The following RAPGEF6 variants were observed in gnomAD, a reference collection of about 807,000 sequenced individuals.
RAPGEF6 encodes PDZ domain containing guanine nucleotide exchange factor (GEF) 2.
Under a neutral mutation model 171.4 loss-of-function variants are expected in RAPGEF6, and 56 were observed. The ratio of observed to expected loss-of-function variants is 0.33; its 90% CI spans 0.26 to 0.41. The LOEUF (loss-of-function observed/expected upper bound fraction) is 0.41. Among genes scored for constraint, RAPGEF6 ranks in the 10% least tolerant of loss-of-function variants. RAPGEF6 has a pLI of 1.00. For synonymous variants in RAPGEF6, 692 were observed against 650.1 expected, an observed-to-expected ratio of 1.06 and a Z score of -0.98; for missense variants, 1,674 against 1,921.4, an observed-to-expected ratio of 0.87 and a Z score of 2.41.
At chr5:131,499,730 T>C (rs1756890611) in intron 11 of RAPGEF6, among the ~76,000 whole-genome samples, 1 of 152,150 alleles carries the variant, frequency 6.6e-6, no homozygotes, top group African/African-American at 2.4e-5. Flanking sequence ...TTAAGCCTGA[T>C]ATAAAAACTG....
chr5:131,630,336 C>T (rs1766224395), intron 1 of RAPGEF6, among the ~76,000 whole-genome samples: 1 of 152,182 alleles, frequency 6.6e-6, no homozygotes, highest in Non-Finnish European at 1.5e-5. Flanking sequence ...AAGGCTATCA[C>T]ACACAATAAA....
At chr5:131,491,553 G>A (rs1756284527) in intron 14 of RAPGEF6, among the ~76,000 whole-genome samples, 1 of 152,164 alleles carries the variant, frequency 6.6e-6, no homozygotes, top group African/African-American at 2.4e-5. Flanking sequence ...CCAGGACACA[G>A]ACCCATGGCC....
At chr5:131,511,398 T>C (rs569875039) in intron 7 of RAPGEF6, 3 of 151,914 alleles carry the variant, frequency 2.0e-5, no homozygotes, top group Admixed American at 1.3e-4. Flanking sequence ...CAAATATGAA[T>C]ATTAGTGAAG....
At position 131,426,745 on chromosome 5, in the gene RAPGEF6, G is replaced by A. The variant is rs974054513; in HGVS notation, c.*521C>T. The A allele has an allele frequency of 2.3e-5, 4 of 171,426 alleles. No homozygotes were observed. Among genetic ancestry groups the A allele is most frequent in the Non-Finnish European group, 3.7e-5 (3 of 81,500 alleles). The allele number at this position is 171,426 out of a possible 1,614,324, so 10.6% of individuals were successfully genotyped here. A position where few individuals can be genotyped will look rare whatever the true frequency, so the allele number is the denominator to read the frequency against. The stretch of plus-strand genomic sequence containing the variant: ...ATGACTTCTGTTTGGTCAGACCAGA[G>A]ACAATTTTATGACCTCAAACATGAA... On this transcript the variant is annotated 3_prime_UTR_variant, in exon 28 of 28. Transcript: ENST00000509018.
chr5:131,519,645 GC>G (rs1350651019), intron 7 of RAPGEF6, among the ~76,000 whole-genome samples: 1 of 152,078 alleles, frequency 6.6e-6, no homozygotes, highest in African/African-American at 2.4e-5. Flanking sequence ...CAGGTAATCC[GC>G]CCGCCTAGGC....
rs185474344 is a variant in RAPGEF6, at chr5:131,493,087, C to T, written c.1528-302G>A. On this transcript the variant is annotated intron_variant, in intron 13 of 27. Coordinates refer to ENST00000509018, the MANE Select transcript of RAPGEF6 (RefSeq NM_016340.6). ...TATTTATTTATTTATTTTTTTGAGA[C>T]GGAGCCTCGCTCTGTCGCCCAGGCT... Among the ~76,000 whole-genome samples the T allele has an allele frequency of 1.4e-4, 22 of 151,848 alleles. No individual in the cohort carries two copies. The East Asian group carries it at 2.3e-3, about 16-fold the overall frequency.
At chr5:131,453,615 C>T (rs1401260823) in intron 20 of RAPGEF6, among the ~76,000 whole-genome samples, 1 of 152,046 alleles carries the variant, frequency 6.6e-6, no homozygotes, top group East Asian at 1.9e-4. Context: ...AAAAACAAAA[C>T]AAAACAAAAA....
intron 6 of RAPGEF6, among the ~76,000 whole-genome samples, chr5:131,545,317 G>C (rs1348509088): frequency 6.6e-6 from 1 of 151,068 alleles, no homozygotes; most frequent in Non-Finnish European, 1.5e-5. Flanking sequence ...GGGTACTAAA[G>C]AATAATTATG....
Position 131,521,905 on chromosome 5 carries a change from T to A in RAPGEF6, c.496-384A>T, listed in dbSNP as rs998929525. Among the ~76,000 whole-genome samples, 791 of 122,672 alleles carry A rather than the reference T, an allele frequency of 6.4e-3. 4 individuals carry two copies. Among genetic ancestry groups the A allele is most frequent in the African/African-American group, 0.019 (690 of 35,534 alleles). The allele number at this position is 122,672 out of a possible 152,430, so 80.5% of individuals were successfully genotyped here. A position where few individuals can be genotyped will look rare whatever the true frequency, so the allele number is the denominator to read the frequency against. On this transcript the variant is annotated intron_variant, in intron 6 of 27. Coordinates refer to ENST00000509018, the MANE Select transcript of RAPGEF6 (RefSeq NM_016340.6). ...CACACACACACACTCTCTCTCTCTC[T>A]CACACACACACTCACTCTCCCTCCC...
chr5:131,603,183 T>C (rs1231989503), intron 3 of RAPGEF6, 88 bp downstream of exon 3: 8 of 980,916 alleles, frequency 8.2e-6, no homozygotes, highest in Non-Finnish European at 1.1e-5. Flanking sequence ...TCTACATAAA[T>C]TGTCCCAGAA....
chr5:131,496,008 T>C (rs1255541674), intron 12 of RAPGEF6, among the ~76,000 whole-genome samples: 4 of 152,210 alleles, frequency 2.6e-5, no homozygotes, highest in African/African-American at 7.2e-5. Flanking sequence ...ACCGAAAGCG[T>C]TTCCATGGTC....
At chr5:131,577,648 G>A (rs1202619690) in intron 4 of RAPGEF6, among the ~76,000 whole-genome samples, 3 of 152,066 alleles carry the variant, frequency 2.0e-5, no homozygotes, top group Non-Finnish European at 4.4e-5. Context: ...TAATCTTGAT[G>A]GACCAGACCC....
Position 131,441,952 on chromosome 5 carries a change from TTCAGAAGGGGTCTTTAA to T in RAPGEF6, c.3610+380_3610+396del, listed in dbSNP as rs1199487603. ...TATTCTCTTGTTTCCCAACCACGTT[TTCAGAAGGGGTCTTTAA>T]AGACAAAAAACAACGTATAGTCATT... On this transcript the variant is annotated intron_variant, in intron 23 of 27. Coordinates refer to ENST00000509018, the MANE Select transcript of RAPGEF6 (RefSeq NM_016340.6). Among the ~76,000 whole-genome samples, 8 of 152,224 alleles carry T rather than the reference TTCAGAAGGGGTCTTTAA, an allele frequency of 5.3e-5. 1 individual carries two copies. Among genetic ancestry groups the T allele is most frequent in the Admixed American group, 5.2e-4 (8 of 15,280 alleles).
intron 19 of RAPGEF6, 134 bp downstream of exon 19, chr5:131,461,571 A>T: frequency 1.2e-6 from 1 of 862,870 alleles, no homozygotes; most frequent in Non-Finnish European, 1.6e-6. Context: ...AAAATACATT[A>T]AATCTAACAA....
intron 1 of RAPGEF6, among the ~76,000 whole-genome samples, chr5:131,630,789 CA>C: frequency 6.6e-6 from 1 of 152,170 alleles, no homozygotes; most frequent in Non-Finnish European, 1.5e-5. Flanking sequence ...CCCAGAAACA[CA>C]AGGAGTTCTT....
At chr5:131,560,154 T>C (rs886845209) in intron 5 of RAPGEF6, among the ~76,000 whole-genome samples, 1 of 152,346 alleles carries the variant, frequency 6.6e-6, no homozygotes, top group East Asian at 1.9e-4. Context: ...ATATACTTGA[T>C]GTGACTTTTT....
At chr5:131,617,031 G>A (rs1478598056) in intron 1 of RAPGEF6, among the ~76,000 whole-genome samples, 1 of 152,144 alleles carries the variant, frequency 6.6e-6, no homozygotes, top group Admixed American at 6.5e-5. Context: ...AATGTCCCAG[G>A]ATAGATCCTA....
chr5:131,599,920 G>GC (rs1764127612), intron 3 of RAPGEF6, among the ~76,000 whole-genome samples: 1 of 152,168 alleles, frequency 6.6e-6, no homozygotes, highest in South Asian at 2.1e-4. Flanking sequence ...TGTTTCTAAT[G>GC]CAACACAGTA....
intron 26 of RAPGEF6, among the ~76,000 whole-genome samples, chr5:131,430,427 A>T (rs1234434754): frequency 1.3e-5 from 2 of 152,180 alleles, no homozygotes; most frequent in African/African-American, 2.4e-5. Context: ...GGACTTCCTG[A>T]TTGCATTTTC....
Sources: gnomAD v4.1 joint callset for allele counts (sites outside exome capture counted in the v4.1 genomes callset) on GRCh38, gnomAD v4.1.1 for gene constraint, MANE v1.5 for transcripts, NCBI Gene and HGNC (gene_info 2026-07-23, HGNC 2026-07-21) for gene names.